Variants in NRXN1 observed in about 807,000 individuals in gnomAD.
NRXN1 encodes neurexin 1, also known as neurexin-1.
A neutral mutation model predicts 150.9 loss-of-function variants in NRXN1; 39 were observed. The observed-to-expected ratio is 0.26, with a 90% CI of 0.20 to 0.34. The LOEUF is 0.34. Among genes scored for constraint, NRXN1 ranks in the 10% least tolerant of loss-of-function variants. NRXN1 has a pLI of 1.00. For missense variants in NRXN1, 1,815 were observed against 1,949.9 expected (o/e 0.93, Z 1.30); for synonymous variants, 924 against 757.0 (o/e 1.22, Z -3.62).
intron 21 of NRXN1, among the ~76,000 whole-genome samples, chr2:49,961,424 G>A (rs1675941196): frequency 1.3e-5 from 2 of 151,610 alleles, no homozygotes; most frequent in Admixed American, 1.3e-4. Context: ...GAGCTTCCCT[G>A]CCCTGACCCT....
intron 8 of NRXN1, among the ~76,000 whole-genome samples, chr2:50,592,174 T>G (rs532245745): frequency 5.3e-5 from 8 of 152,366 alleles, no homozygotes; most frequent in African/African-American, 1.9e-4. Context: ...TAATTACCAC[T>G]AATTTACAGA....
intron 5 of NRXN1, among the ~76,000 whole-genome samples, chr2:50,908,080 C>A (rs376955903): frequency 1.2e-4 from 19 of 152,112 alleles, no homozygotes; most frequent in African/African-American, 4.3e-4. Flanking sequence ...AGCTATAAAT[C>A]CCTCTAGAAC....
chr2:50,902,468 A>G, intron 5 of NRXN1, among the ~76,000 whole-genome samples: 1 of 152,210 alleles, frequency 6.6e-6, no homozygotes, highest in East Asian at 1.9e-4. Context: ...ACTCTAAACC[A>G]GAAATCATTT....
chr2:50,020,864 T>G (rs1033499990), intron 21 of NRXN1, among the ~76,000 whole-genome samples: 2 of 152,222 alleles, frequency 1.3e-5, no homozygotes, highest in African/African-American at 4.8e-5. Context: ...CCTGACACAT[T>G]CCTTTCTCTT....
intron 18 of NRXN1, among the ~76,000 whole-genome samples, chr2:50,102,191 T>A (rs1701068790): frequency 6.6e-6 from 1 of 152,020 alleles, no homozygotes; most frequent in Non-Finnish European, 1.5e-5. Context: ...CAGAAATTCC[T>A]AATGATTATA....
At chr2:50,734,492 T>C (rs1174211565) in intron 5 of NRXN1, among the ~76,000 whole-genome samples, 1 of 152,172 alleles carries the variant, frequency 6.6e-6, no homozygotes, top group Non-Finnish European at 1.5e-5. Flanking sequence ...ATAAACATCA[T>C]ATTTATGATT....
At chr2:50,035,875 C>G (rs1379884335) in intron 21 of NRXN1, among the ~76,000 whole-genome samples, 1 of 152,064 alleles carries the variant, frequency 6.6e-6, no homozygotes, top group Admixed American at 6.6e-5. Flanking sequence ...AATGGGATCA[C>G]TGACCATTAC....
intron 8 of NRXN1, among the ~76,000 whole-genome samples, chr2:50,570,636 G>C (rs1166484880): frequency 6.6e-6 from 1 of 152,046 alleles, no homozygotes; most frequent in Non-Finnish European, 1.5e-5. Context: ...TGTCTCACTG[G>C]TCAAATAAGG....
chr2:50,525,426 G>A (rs1573399137), intron 12 of NRXN1, among the ~76,000 whole-genome samples: 1 of 152,150 alleles, frequency 6.6e-6, no homozygotes, highest in African/African-American at 2.4e-5. Flanking sequence ...AGAAAGAGGA[G>A]GCAAGGGTAA....
chr2:50,246,093 T>A (rs916923681), intron 17 of NRXN1, among the ~76,000 whole-genome samples: 1 of 152,038 alleles, frequency 6.6e-6, no homozygotes, highest in Non-Finnish European at 1.5e-5. Context: ...CAGAAATGAT[T>A]CACTCACATT....
intron 17 of NRXN1, among the ~76,000 whole-genome samples, chr2:50,364,396 G>A (rs956302198): frequency 6.6e-6 from 1 of 152,084 alleles, no homozygotes; most frequent in African/African-American, 2.4e-5. Flanking sequence ...GCCTCTCACA[G>A]AAAACCTGCC....
chr2:50,614,221 TA>T (rs1245256582), intron 8 of NRXN1, among the ~76,000 whole-genome samples: 2 of 152,044 alleles, frequency 1.3e-5, no homozygotes, highest in Non-Finnish European at 2.9e-5. Flanking sequence ...AACCTGGGGA[TA>T]AATTGTTTAA....
chr2:50,503,539 GA>G (rs1392095570), intron 13 of NRXN1, among the ~76,000 whole-genome samples: 6 of 129,756 alleles, frequency 4.6e-5, no homozygotes, highest in African/African-American at 1.5e-4. Flanking sequence ...GAGGAAGAAA[GA>G]AAAAAAGAGA....
At chr2:50,393,507 G>GT (rs1234742275) in intron 17 of NRXN1, among the ~76,000 whole-genome samples, 1 of 152,082 alleles carries the variant, frequency 6.6e-6, no homozygotes, top group Non-Finnish European at 1.5e-5. Flanking sequence ...TATTTTGGCT[G>GT]TGGAAAACAG....
rs2088708785 is a variant in NRXN1 at position 50,465,356 on chromosome 2, T to C, written c.3364+86A>G. The C allele has an allele frequency of 1.1e-5, 15 of 1,341,542 alleles. No individual in the cohort carries two copies. In the East Asian group the frequency reaches 3.4e-4, roughly 30 times the overall value. 83.1% of individuals were successfully genotyped at this position (1,341,542 alleles called of 1,614,324 possible). On this transcript the variant is annotated intron_variant, in intron 17 of 22. Transcript: ENST00000401669. ...CAGTTCGACTGACTCAGAGTTAATA[T>C]AAGGACTTTCAGTGTTAGACTTTAG...
intron 18 of NRXN1, among the ~76,000 whole-genome samples, chr2:50,186,576 C>G (rs944604932): frequency 6.6e-6 from 1 of 152,084 alleles, no homozygotes; most frequent in Non-Finnish European, 1.5e-5. Context: ...AATGTCTCAA[C>G]GAATTTAAAA....
chr2:50,478,152 C>G (rs1373004169), intron 15 of NRXN1, among the ~76,000 whole-genome samples: 1 of 152,138 alleles, frequency 6.6e-6, no homozygotes, highest in Middle Eastern at 3.2e-3. Flanking sequence ...ACCTCTAAAA[C>G]AGGTGTTCCC....
At chr2:50,691,957 T>C (rs1244123815) in intron 5 of NRXN1, among the ~76,000 whole-genome samples, 1 of 152,180 alleles carries the variant, frequency 6.6e-6, no homozygotes, top group African/African-American at 2.4e-5. Flanking sequence ...AACTCCATGG[T>C]AGTTATATTC....
At position 49,922,226 on chromosome 2, in the gene NRXN1, T is replaced by C. The variant is rs1024133565; in HGVS notation, c.4242A>G (p.Arg1414=). The C allele has an allele frequency of 6.2e-7, 1 of 1,614,104 alleles. No individual in the cohort carries two copies. Among genetic ancestry groups the C allele is most frequent in the Admixed American group, 1.7e-5 (1 of 60,006 alleles). ...CTTCTGCTGAGCCTGGATACGGCTC[T>C]CTGCCGCCTGCTCGGGTTGGGTTGG... ...GLANPTRAGG[R]EPYPGSAEVI... is the part of the protein sequence containing the mutation. Residue 1414 remains arginine, a synonymous_variant, in exon 23 of 23, where the codon AGA becomes AGG. Transcript: ENST00000401669.
Sources: allele counts gnomAD v4.1 joint callset (sites outside exome capture counted in the v4.1 genomes callset), GRCh38; gene constraint gnomAD v4.1.1; transcripts MANE v1.5; gene names NCBI Gene and HGNC (gene_info 2026-07-23, HGNC 2026-07-21).